Variants in DDX1 observed in about 807,000 individuals in gnomAD.
The protein encoded by DDX1 is ATP-dependent RNA helicase DDX1.
Under a neutral mutation model 108.7 loss-of-function variants are expected in DDX1, and 28 were observed. The ratio of observed to expected loss-of-function variants is 0.26; its 90% CI spans 0.19 to 0.35. The LOEUF is 0.35. Ranked by LOEUF, DDX1 falls within the 10% of genes least tolerant of loss-of-function variation. The probability of loss-of-function intolerance (pLI) is 1.00; values close to 1 mark genes in which losing one functional copy is unlikely to be tolerated. For synonymous variants in DDX1, 295 were observed against 288.9 expected (o/e 1.02, Z -0.21); for missense variants, 710 against 884.5 (o/e 0.80, Z 2.50).
intron 14 of DDX1, among the ~76,000 whole-genome samples, chr2:15,614,459 A>G (rs374297729): frequency 1.3e-5 from 2 of 152,210 alleles, no homozygotes; most frequent in Admixed American, 6.5e-5. Context: ...ATTTAGTGCT[A>G]TGGTTTTAAT....
intron 14 of DDX1, among the ~76,000 whole-genome samples, chr2:15,613,760 G>A (rs1182562758): frequency 1.3e-5 from 2 of 152,024 alleles, no homozygotes; most frequent in African/African-American, 4.8e-5. Context: ...CGCAAAGGCT[G>A]TGCTCAGCCA....
intron 2 of DDX1, 122 bp downstream of exon 2, chr2:15,595,318 A>G (rs995257578): frequency 1.0e-6 from 1 of 975,920 alleles, no homozygotes; most frequent in South Asian, 1.7e-5. Context: ...TTTTTTTGTG[A>G]TTTTCTAAAT....
intron 13 of DDX1, among the ~76,000 whole-genome samples, chr2:15,612,868 G>T (rs571418868): frequency 6.6e-6 from 1 of 151,766 alleles, no homozygotes; most frequent in East Asian, 2.0e-4. Flanking sequence ...CCAGTCAGGC[G>T]TGGTGGCGCG....
intron 25 of DDX1, among the ~76,000 whole-genome samples, 169 bp downstream of exon 25, chr2:15,630,279 G>A (rs554426109): frequency 6.6e-6 from 1 of 152,278 alleles, no homozygotes; most frequent in East Asian, 1.9e-4. Flanking sequence ...CTGCCTTGTA[G>A]CATTTTTAAA....
intron 1 of DDX1, among the ~76,000 whole-genome samples, chr2:15,594,244 T>C (rs571682999): frequency 6.6e-6 from 1 of 152,292 alleles, no homozygotes; most frequent in African/African-American, 2.4e-5. Context: ...AAATACAGAA[T>C]TTCAGAATTG....
Position 15,613,364 on chromosome 2 carries a change from A to C in DDX1, c.1017+80A>C, listed in dbSNP as rs1212991565. 4.2e-6 allele frequency: 4 copies of C among 946,204 alleles called. No individual in the cohort carries two copies. In the African/African-American group the frequency reaches 5.1e-5, roughly 12 times the overall value. The allele number at this position is 946,204 out of a possible 1,614,324, so 58.6% of individuals were successfully genotyped here. On this transcript the variant is annotated intron_variant, in intron 14 of 25. Transcript: ENST00000233084. ...ATACAGCTCTGTTTTGTTTCAAGAA[A>C]ATTTAAGTGAGGCTGAAATTAGAGC...
chr2:15,612,276 C>A (rs1202565342), intron 13 of DDX1, among the ~76,000 whole-genome samples: 5 of 151,770 alleles, frequency 3.3e-5, no homozygotes, highest in Non-Finnish European at 5.9e-5. Flanking sequence ...AGACGCTCCT[C>A]ACCTCCCAGA....
chr2:15,616,361 G>C (rs1048912565), intron 14 of DDX1, among the ~76,000 whole-genome samples: 1 of 152,220 alleles, frequency 6.6e-6, no homozygotes, highest in South Asian at 2.1e-4. Context: ...ATTAAGAAGA[G>C]GGCTTATATC....
At chr2:15,604,597 A>T (rs1018510119) in intron 10 of DDX1, 88 bp downstream of exon 10, 27 of 854,732 alleles carry the variant, frequency 3.2e-5, no homozygotes, top group Non-Finnish European at 5.1e-5. Context: ...TGTTTTTCAA[A>T]TCCCCGTCCC....
intron 16 of DDX1, among the ~76,000 whole-genome samples, chr2:15,618,618 GC>G (rs1159454985): frequency 6.6e-6 from 1 of 152,250 alleles, no homozygotes; most frequent in Non-Finnish European, 1.5e-5. Flanking sequence ...TGGTGGCCAG[GC>G]CCCGAGGCTT....
In DDX1 at chr2:15,605,981, A is replaced by G. The variant is rs141520016; in HGVS notation, c.657A>G (p.Pro219=). ...GKDLGLAFEI[P]PHMKNQALFP... ...ATCTTGGTCTGGCATTTGAAATACC[A>G]CCACATATGAAAAACCAAGCCCTCT... Residue 219 remains proline (P), a synonymous_variant, in exon 11 of 26, where the codon CCA becomes CCG. Transcript: ENST00000233084. The G allele has an allele frequency of 1.1e-4, 178 of 1,583,428 alleles. No homozygotes were observed. Among genetic ancestry groups the G allele is most frequent in the Admixed American group, 8.8e-4 (46 of 52,254 alleles).
At chr2:15,610,659 A>T (rs991570301) in intron 13 of DDX1, among the ~76,000 whole-genome samples, 50 of 152,376 alleles carry the variant, frequency 3.3e-4, no homozygotes, top group Middle Eastern at 3.4e-3. Flanking sequence ...TTTTATATAC[A>T]TACAAGTATA....
Position 15,618,195 on chromosome 2 carries a change from T to C in DDX1, c.1131T>C (p.Ser377=). The C allele has an allele frequency of 6.3e-7, 1 of 1,584,738 alleles. No individual in the cohort carries two copies. Among genetic ancestry groups the C allele is most frequent in the Non-Finnish European group, 8.6e-7 (1 of 1,158,254 alleles). Residue 377 remains serine, a synonymous_variant, in exon 16 of 26, where the codon TCT becomes TCC. Coordinates refer to ENST00000233084, the MANE Select transcript of DDX1 (RefSeq NM_004939.3). The stretch of plus-strand genomic sequence containing the variant: ...TTCTCATGCAGGATGGGCTTCTTTC[T>C]CAAGGTTATTCTGATTTTATAAATA... ...LVLDEADGLL[S]QGYSDFINRM...
chr2:15,616,987 A>C (rs1334600713), intron 14 of DDX1, among the ~76,000 whole-genome samples: 1 of 152,162 alleles, frequency 6.6e-6, no homozygotes, highest in Non-Finnish European at 1.5e-5. Context: ...GGAAAATATA[A>C]ATTTTATGCA....
chr2:15,611,745 C>T (rs1665766773), intron 13 of DDX1, among the ~76,000 whole-genome samples: 1 of 107,394 alleles, frequency 9.3e-6, no homozygotes, highest in Non-Finnish European at 1.9e-5. Flanking sequence ...GGGGCTGACC[C>T]CCCCACCTCC....
chr2:15,623,837 A>C (rs1055167526), intron 19 of DDX1, among the ~76,000 whole-genome samples: 25 of 152,304 alleles, frequency 1.6e-4, no homozygotes, highest in African/African-American at 5.8e-4. Context: ...TATATGGAAG[A>C]AGGATAAAGT....
At chr2:15,628,049 C>T (rs574479912) in intron 20 of DDX1, among the ~76,000 whole-genome samples, 1 of 152,086 alleles carries the variant, frequency 6.6e-6, no homozygotes, top group African/African-American at 2.4e-5. Context: ...AATGTAGCCT[C>T]CAGGTAAAAT....
intron 12 of DDX1, 70 bp from the exon 13 acceptor site, chr2:15,607,105 C>T: frequency 4.4e-6 from 6 of 1,355,896 alleles, no homozygotes; most frequent in African/African-American, 1.5e-5. Context: ...AATATTTGTC[C>T]TAATGTTTTA....
chr2:15,598,115 TTAA>T (rs924911419), intron 5 of DDX1, among the ~76,000 whole-genome samples: 1 of 152,178 alleles, frequency 6.6e-6, no homozygotes, highest in Non-Finnish European at 1.5e-5. Context: ...TTGTTATATT[TTAA>T]TAATATTTTT....
Sources: gnomAD v4.1 joint callset for allele counts (sites outside exome capture counted in the v4.1 genomes callset) on GRCh38, gnomAD v4.1.1 for gene constraint, MANE v1.5 for transcripts, NCBI Gene and HGNC (gene_info 2026-07-23, HGNC 2026-07-21) for gene names.